Variants in BMP2K observed in about 807,000 individuals in gnomAD.
The protein encoded by BMP2K is BMP2 inducible kinase.
A neutral mutation model predicts 116.0 loss-of-function variants in BMP2K; 74 were observed. The ratio of observed to expected loss-of-function variants is 0.64; its 90% CI spans 0.53 to 0.77. BMP2K has a LOEUF of 0.77. BMP2K is among the 30% of genes least tolerant of loss of function. The pLI, the probability that BMP2K is intolerant of heterozygous loss-of-function variation, is 0.00. For missense variants in BMP2K, 1,365 were observed against 1,403.6 expected, an observed-to-expected ratio of 0.97 and a Z score of 0.44; for synonymous variants, 486 against 502.5, an observed-to-expected ratio of 0.97 and a Z score of 0.44.
intron 9 of BMP2K, 123 bp downstream of exon 9, chr4:78,861,591 T>C: frequency 2.5e-6 from 2 of 811,000 alleles, no homozygotes; most frequent in Non-Finnish European, 3.9e-6. Flanking sequence ...TGTTGCTTAT[T>C]GTATGTGGTA....
At chr4:78,806,139 GGT>G (rs200484007) in intron 1 of BMP2K, among the ~76,000 whole-genome samples, 2 of 148,676 alleles carry the variant, frequency 1.3e-5, no homozygotes, top group Admixed American at 6.6e-5. Context: ...TCTGATAGGG[GGT>G]GTGTGTGTGT....
At position 78,842,373 on chromosome 4, in the gene BMP2K, T is replaced by C; in HGVS notation, c.404-12T>C. ...TAAAAATATGTCCTCTCAAAATTACTTTTTTGGTTAGCTGGACAGGTAGTG... is the reference window on the plus strand; with the variant it reads ...TAAAAATATGTCCTCTCAAAATTACCTTTTTGGTTAGCTGGACAGGTAGTG... On this transcript the variant is annotated splice_polypyrimidine_tract_variant and intron_variant, in intron 3 of 15. Coordinates refer to ENST00000502613, the MANE Select transcript of BMP2K (RefSeq NM_198892.2). The C allele has an allele frequency of 6.4e-7, 1 of 1,571,892 alleles. No homozygotes were observed. Among genetic ancestry groups the C allele is most frequent in the East Asian group, 2.3e-5 (1 of 44,180 alleles).
At chr4:78,808,413 C>T (rs1184351193) in intron 1 of BMP2K, among the ~76,000 whole-genome samples, 2 of 151,876 alleles carry the variant, frequency 1.3e-5, no homozygotes, top group African/African-American at 4.8e-5. Context: ...CTACAGGCAC[C>T]TGCCACCGCA....
chr4:78,783,554 C>T (rs1727602115), intron 1 of BMP2K, among the ~76,000 whole-genome samples: 2 of 151,896 alleles, frequency 1.3e-5, no homozygotes, highest in South Asian at 4.1e-4. Context: ...GCCTGTAATC[C>T]CAGCACTTTG....
At chr4:78,859,901 T>C in intron 8 of BMP2K, 2 of 569,168 alleles carry the variant, frequency 3.5e-6, no homozygotes, top group South Asian at 2.0e-5. Context: ...TGCAGCAGAC[T>C]CAGGCAGAAT....
chr4:78,912,687 A>G lies in BMP2K; in HGVS notation c.*654A>G, dbSNP rs1734713779. 1 of 152,232 alleles carries G rather than the reference A, an allele frequency of 6.6e-6. No individual in the cohort carries two copies. The highest frequency in any genetic ancestry group is 6.5e-5 in the Admixed American group (1 of 15,284). The allele number at this position is 152,232 out of a possible 1,614,324, so 9.4% of individuals were successfully genotyped here. A position where few individuals can be genotyped will look rare whatever the true frequency, so the allele number is the denominator to read the frequency against. On this transcript the variant is annotated 3_prime_UTR_variant, in exon 16 of 16. Transcript: ENST00000502613. ...TATGAAATAATGTGTAATTAGCTCAATTTAACTATTCCACAACTTACATAT... is the reference window on the plus strand; with the variant it reads ...TATGAAATAATGTGTAATTAGCTCAGTTTAACTATTCCACAACTTACATAT...
chr4:78,817,354 T>G (rs555115029), intron 1 of BMP2K, among the ~76,000 whole-genome samples: 2 of 152,314 alleles, frequency 1.3e-5, no homozygotes, highest in East Asian at 3.9e-4. Flanking sequence ...TCATCTGTAC[T>G]TCTGATAAAC....
intron 1 of BMP2K, among the ~76,000 whole-genome samples, chr4:78,805,972 CA>C (rs540637124): frequency 0.011 from 1,596 of 151,256 alleles, 22 homozygotes; most frequent in African/African-American, 0.037. Context: ...CTCCATCTCA[CA>C]AAAAAGAAAA....
chr4:78,842,154 C>CA (rs1484345141), intron 3 of BMP2K, among the ~76,000 whole-genome samples: 1 of 151,732 alleles, frequency 6.6e-6, no homozygotes, highest in Non-Finnish European at 1.5e-5. Context: ...GAAAAGTGGG[C>CA]AATAGCATTA....
intron 14 of BMP2K, among the ~76,000 whole-genome samples, chr4:78,884,338 TAAAAC>T (rs1372418356): frequency 6.6e-6 from 1 of 151,706 alleles, no homozygotes; most frequent in Non-Finnish European, 1.5e-5. Flanking sequence ...AAACATAAAA[TAAAAC>T]AAACAAAAAA....
chr4:78,888,550 A>G (rs1031951295), intron 15 of BMP2K, among the ~76,000 whole-genome samples: 1 of 152,160 alleles, frequency 6.6e-6, no homozygotes. Flanking sequence ...CTATACAACT[A>G]CTTCTCTGAT....
chr4:78,876,601 G>T (rs1217050720), intron 13 of BMP2K, among the ~76,000 whole-genome samples: 1 of 152,124 alleles, frequency 6.6e-6, no homozygotes. Flanking sequence ...GGTGGCAATG[G>T]CAATGAGCTC....
At chr4:78,829,135 T>C (rs974249433) in intron 2 of BMP2K, among the ~76,000 whole-genome samples, 5 of 152,238 alleles carry the variant, frequency 3.3e-5, no homozygotes, top group African/African-American at 9.6e-5. Context: ...TTCTGTAGCA[T>C]GCAATACTGT....
intron 13 of BMP2K, among the ~76,000 whole-genome samples, chr4:78,875,218 T>C (rs567072339): frequency 1.0e-3 from 157 of 152,322 alleles, no homozygotes; most frequent in African/African-American, 3.4e-3. Flanking sequence ...TCTAAACTAA[T>C]GTTCCTGCTT....
At chr4:78,780,840 T>G (rs1175879715) in intron 1 of BMP2K, among the ~76,000 whole-genome samples, 1 of 152,192 alleles carries the variant, frequency 6.6e-6, no homozygotes, top group Non-Finnish European at 1.5e-5. Flanking sequence ...ATAGTTAAAA[T>G]TTTTTATATG....
At chr4:78,897,595 C>T (rs1733769493) in intron 15 of BMP2K, among the ~76,000 whole-genome samples, 1 of 152,084 alleles carries the variant, frequency 6.6e-6, no homozygotes, top group East Asian at 1.9e-4. Flanking sequence ...ACCTGTTAAG[C>T]ATAGTGTATG....
chr4:78,870,837 A>G lies in BMP2K; in HGVS notation c.1286A>G (p.Gln429Arg). 6.2e-7 allele frequency: 1 copy of G among 1,614,116 alleles called. No homozygotes were observed. The highest frequency in any genetic ancestry group is 1.1e-5 in the South Asian group (1 of 91,082). ...PEILLGQGPP[Q>R]QPPQQHRVLQ... ...ATTTTATTGGGTCAGGGACCTCCTC[A>G]GCAGCCGCCACAGCAGCATAGAGTA... Residue 429 changes from glutamine (Q) to arginine (R), a missense_variant, in exon 11 of 16, where the codon CAG becomes CGG. Coordinates refer to ENST00000502613, the MANE Select transcript of BMP2K (RefSeq NM_198892.2).
At chr4:78,831,859 C>T (rs1730222966) in intron 2 of BMP2K, among the ~76,000 whole-genome samples, 1 of 152,114 alleles carries the variant, frequency 6.6e-6, no homozygotes, top group Non-Finnish European at 1.5e-5. Flanking sequence ...TATTCTTGTT[C>T]TTCTTCCTTG....
At chr4:78,810,416 A>C (rs1188470801) in intron 1 of BMP2K, among the ~76,000 whole-genome samples, 1 of 152,138 alleles carries the variant, frequency 6.6e-6, no homozygotes, top group Non-Finnish European at 1.5e-5. Flanking sequence ...ACTTCGACTT[A>C]AGTTTTTTGG....
Sources: gnomAD v4.1 joint callset for allele counts (sites outside exome capture counted in the v4.1 genomes callset) on GRCh38, gnomAD v4.1.1 for gene constraint, MANE v1.5 for transcripts, NCBI Gene and HGNC (gene_info 2026-07-23, HGNC 2026-07-21) for gene names.